Variants in SNTG1 observed in about 807,000 individuals in gnomAD.
The protein encoded by SNTG1 is gamma-1-syntrophin.
SNTG1 carries 39 observed loss-of-function variants against 74.7 expected under a neutral mutation model. The observed-to-expected ratio is 0.52, with a 90% CI of 0.40 to 0.68. The LOEUF (loss-of-function observed/expected upper bound fraction) is 0.68. Among genes scored for constraint, SNTG1 ranks in the 30% least tolerant of loss-of-function variants. The probability of loss-of-function intolerance (pLI) is 0.00; values close to 1 mark genes in which losing one functional copy is unlikely to be tolerated. For missense variants in SNTG1, 685 were observed against 609.5 expected (o/e 1.12, Z -1.30); for synonymous variants, 254 against 217.1 (o/e 1.17, Z -1.49).
intron 18 of SNTG1, among the ~76,000 whole-genome samples, chr8:50,776,504 A>G (rs775225400): frequency 1.1e-4 from 16 of 147,672 alleles, no homozygotes; most frequent in Non-Finnish European, 1.9e-4. Flanking sequence ...TAATATATAG[A>G]TATATTATGT....
intron 1 of SNTG1, among the ~76,000 whole-genome samples, chr8:50,072,381 T>C (rs1821447053): frequency 6.6e-6 from 1 of 152,224 alleles, no homozygotes; most frequent in African/African-American, 2.4e-5. Flanking sequence ...TTACACGTTA[T>C]AAAATTGAAT....
chr8:50,043,942 A>G (rs1280012710), intron 1 of SNTG1, among the ~76,000 whole-genome samples: 1 of 152,180 alleles, frequency 6.6e-6, no homozygotes, highest in Non-Finnish European at 1.5e-5. Context: ...GAAAATCAAG[A>G]AGCTTTAAAC....
intron 17 of SNTG1, among the ~76,000 whole-genome samples, chr8:50,713,660 A>T (rs1585619504): frequency 6.6e-6 from 1 of 152,144 alleles, no homozygotes; most frequent in South Asian, 2.1e-4. Flanking sequence ...TCTTACGTTT[A>T]AGTCTTTAAT....
intron 13 of SNTG1, among the ~76,000 whole-genome samples, chr8:50,612,775 C>T (rs897227688): frequency 5.3e-5 from 8 of 152,128 alleles, no homozygotes; most frequent in Non-Finnish European, 1.2e-4. Flanking sequence ...GACGTAAGAG[C>T]AATAGAGTCG....
At chr8:50,052,994 C>T (rs1429866236) in intron 1 of SNTG1, among the ~76,000 whole-genome samples, 1 of 152,088 alleles carries the variant, frequency 6.6e-6, no homozygotes, top group Non-Finnish European at 1.5e-5. Flanking sequence ...CCTTACAAAA[C>T]CTTTGCTAAT....
chr8:50,194,872 T>C (rs1436534598), intron 2 of SNTG1, among the ~76,000 whole-genome samples: 1 of 152,148 alleles, frequency 6.6e-6, no homozygotes, highest in Non-Finnish European at 1.5e-5. Context: ...TGTGTCATTA[T>C]TGTCATTCAG....
intron 9 of SNTG1, among the ~76,000 whole-genome samples, chr8:50,510,481 G>A (rs1242610517): frequency 1.3e-5 from 2 of 152,162 alleles, no homozygotes; most frequent in South Asian, 4.1e-4. Context: ...AATAGTTTCA[G>A]AAGGAATGGT....
At chr8:50,556,942 A>G (rs1309913730) in intron 12 of SNTG1, among the ~76,000 whole-genome samples, 1 of 152,168 alleles carries the variant, frequency 6.6e-6, no homozygotes, top group African/African-American at 2.4e-5. Flanking sequence ...TGTCAGTCAC[A>G]TGCTGAGGGC....
At chr8:50,111,490 A>C (rs1002232698) in intron 1 of SNTG1, among the ~76,000 whole-genome samples, 3 of 152,140 alleles carry the variant, frequency 2.0e-5, no homozygotes, top group Non-Finnish European at 4.4e-5. Context: ...TCACAGTGAG[A>C]AGGGAGGAAG....
chr8:49,988,623 G>T (rs1028073190), intron 1 of SNTG1, among the ~76,000 whole-genome samples: 1 of 152,008 alleles, frequency 6.6e-6, no homozygotes, highest in African/African-American at 2.4e-5. Context: ...GCAATCTGAA[G>T]AACAGAGAAA....
chr8:50,702,930 G>T (rs1327078712), intron 15 of SNTG1, among the ~76,000 whole-genome samples: 1 of 151,840 alleles, frequency 6.6e-6, no homozygotes, highest in Admixed American at 6.6e-5. Context: ...CAGTCTAAAA[G>T]ATTTAAAAAA....
chr8:50,740,975 A>G (rs1585684540), intron 17 of SNTG1, among the ~76,000 whole-genome samples: 1 of 152,018 alleles, frequency 6.6e-6, no homozygotes, highest in Non-Finnish European at 1.5e-5. Context: ...AACAACATAC[A>G]CTGAGGCCTA....
At position 50,455,482 on chromosome 8, in the gene SNTG1, A is replaced by G. The variant is rs138514235; in HGVS notation, c.363+4753A>G. 1.7e-3 allele frequency among the ~76,000 whole-genome samples: 258 copies of G among 152,330 alleles called. 1 individual carries two copies. The highest frequency in any genetic ancestry group is 5.9e-3 in the African/African-American group (247 of 41,588). Reference sequence around the variant, plus strand: ...ACATTCATAATTCTACATAATTCTAAAAGAACAGACTGAGTAACTAAAAGT... The same window carrying G: ...ACATTCATAATTCTACATAATTCTAGAAGAACAGACTGAGTAACTAAAAGT... On this transcript the variant is annotated intron_variant, in intron 8 of 18. Transcript: ENST00000642720.
chr8:50,328,178 C>T (rs2090827634), intron 2 of SNTG1, among the ~76,000 whole-genome samples: 2 of 152,086 alleles, frequency 1.3e-5, no homozygotes, highest in Non-Finnish European at 2.9e-5. Flanking sequence ...TTTTACTTCA[C>T]TCTTAAGAAC....
At chr8:50,636,870 T>C (rs1031928511) in intron 13 of SNTG1, among the ~76,000 whole-genome samples, 9 of 152,196 alleles carry the variant, frequency 5.9e-5, no homozygotes, top group Admixed American at 1.3e-4. Flanking sequence ...CCCAAATGTA[T>C]AATGTCTTAA....
At chr8:50,168,736 T>G (rs887270973) in intron 1 of SNTG1, among the ~76,000 whole-genome samples, 1 of 152,208 alleles carries the variant, frequency 6.6e-6, no homozygotes, top group Non-Finnish European at 1.5e-5. Context: ...TGGAGTTATA[T>G]TCAATATTTC....
intron 1 of SNTG1, among the ~76,000 whole-genome samples, chr8:49,991,198 C>A (rs1813652557): frequency 6.6e-6 from 1 of 152,110 alleles, no homozygotes; most frequent in Admixed American, 6.6e-5. Flanking sequence ...AGATGATCAA[C>A]ATCTTTTTAC....
At chr8:49,951,766 A>C (rs1183288265) in intron 1 of SNTG1, among the ~76,000 whole-genome samples, 1 of 151,702 alleles carries the variant, frequency 6.6e-6, no homozygotes, top group African/African-American at 2.4e-5. Context: ...AATAATAAAA[A>C]AAAAGCTTAA....
intron 2 of SNTG1, among the ~76,000 whole-genome samples, chr8:50,209,073 T>C (rs192613864): frequency 2.8e-4 from 42 of 152,300 alleles, no homozygotes; most frequent in Admixed American, 7.8e-4. Context: ...CAGGAGATTA[T>C]ATCCTGCACA....
Sources: allele counts gnomAD v4.1 joint callset (sites outside exome capture counted in the v4.1 genomes callset), GRCh38; gene constraint gnomAD v4.1.1; transcripts MANE v1.5; gene names NCBI Gene and HGNC (gene_info 2026-07-23, HGNC 2026-07-21).